The following PCDH15 variants were observed in gnomAD, a reference collection of about 807,000 sequenced individuals.
The protein encoded by PCDH15 is protocadherin related 15.
In PCDH15, 129 loss-of-function variants were observed where a neutral mutation model predicts 178.5. That is an observed-to-expected ratio of 0.72 (90% CI 0.63 to 0.84). PCDH15 has a LOEUF of 0.84. PCDH15 is among the 40% of genes least tolerant of loss of function. PCDH15 has a pLI of 0.00. For missense variants in PCDH15, 2,230 were observed against 2,099.9 expected, an observed-to-expected ratio of 1.06 and a Z score of -1.21; for synonymous variants, 800 against 732.0, an observed-to-expected ratio of 1.09 and a Z score of -1.50.
chr10:53,864,319 CAACTTCCTAAAGCTA>C lies in PCDH15; in HGVS notation c.3717+2308_3717+2322del, dbSNP rs558435759. Among the ~76,000 whole-genome samples, 1,043 of 152,164 alleles carry C rather than the reference CAACTTCCTAAAGCTA, an allele frequency of 6.9e-3. 46 individuals are homozygous for C. The highest frequency in any genetic ancestry group is 0.06 in the Admixed American group (924 of 15,280). ...GCAGGGAACATAAACCAATTAATGC[CAACTTCCTAAAGCTA>C]AACAAACAAACAAACAAAAATACCA... On this transcript the variant is annotated intron_variant, in intron 27 of 37. Coordinates refer to ENST00000644397, the MANE Select transcript of PCDH15 (RefSeq NM_001384140.1).
chr10:53,835,139 G>T (rs1399396507), intron 29 of PCDH15, among the ~76,000 whole-genome samples: 2 of 152,026 alleles, frequency 1.3e-5, no homozygotes, highest in Non-Finnish European at 2.9e-5. Context: ...TCAGTATTTT[G>T]AATTTATATG....
intron 26 of PCDH15, among the ~76,000 whole-genome samples, chr10:53,879,754 A>T (rs1215487845): frequency 6.6e-6 from 1 of 152,176 alleles, no homozygotes; most frequent in African/African-American, 2.4e-5. Context: ...ACAGGCGCGC[A>T]CCACCACGCC....
chr10:55,333,335 CAAAGTAAGGGG>C (rs1844263942), intron 2 of PCDH15, among the ~76,000 whole-genome samples: 1 of 151,938 alleles, frequency 6.6e-6, no homozygotes, highest in South Asian at 2.1e-4. Context: ...TGGCAAAACT[CAAAGTAAGGGG>C]AACTGTACAG....
upstream of PCDH15, among the ~76,000 whole-genome samples, chr10:54,806,121 C>A (rs544482560): frequency 2.0e-4 from 31 of 152,220 alleles, 1 homozygote; most frequent in African/African-American, 7.2e-4. Flanking sequence ...CTATCTTATA[C>A]TTTCCTTAGG....
rs567593028 is a variant in PCDH15 at position 54,441,042 on chromosome 10, C to T, written c.158-62100G>A. ...ATTCACAAAAAGTGTTTGAGTCTTCCTGAAAACATTTTAAAATATCAATTA... is the reference window on the plus strand; with the variant it reads ...ATTCACAAAAAGTGTTTGAGTCTTCTTGAAAACATTTTAAAATATCAATTA... On this transcript the variant is annotated intron_variant, in intron 3 of 37. Coordinates refer to ENST00000644397, the MANE Select transcript of PCDH15 (RefSeq NM_001384140.1). Among the ~76,000 whole-genome samples, 5 of 151,896 alleles carry T rather than the reference C, an allele frequency of 3.3e-5. No individual in the cohort carries two copies. In the East Asian group the frequency reaches 9.7e-4, roughly 29 times the overall value.
intron 2 of PCDH15, among the ~76,000 whole-genome samples, chr10:55,150,219 T>C (rs1564840328): frequency 6.6e-6 from 1 of 152,014 alleles, no homozygotes; most frequent in Admixed American, 6.6e-5. Flanking sequence ...CCAATTCAAT[T>C]TGACAGCTGC....
At chr10:54,320,078 C>T (rs1027257047) in intron 7 of PCDH15, among the ~76,000 whole-genome samples, 6 of 151,896 alleles carry the variant, frequency 4.0e-5, no homozygotes, top group African/African-American at 1.5e-4. Flanking sequence ...CACTCAGATC[C>T]CTAGAGGCAC....
At chr10:55,452,765 C>T (rs1839464021) in intron 2 of PCDH15, among the ~76,000 whole-genome samples, 1 of 151,966 alleles carries the variant, frequency 6.6e-6, no homozygotes, top group African/African-American at 2.4e-5. Context: ...TTAATAGGCA[C>T]AAAAAAACTA....
chr10:54,747,611 T>C (rs1210709918), intron 1 of PCDH15, among the ~76,000 whole-genome samples: 1 of 152,014 alleles, frequency 6.6e-6, no homozygotes, highest in Non-Finnish European at 1.5e-5. Context: ...TTCAAACAAC[T>C]CAAGATCCAA....
intron 2 of PCDH15, among the ~76,000 whole-genome samples, chr10:55,069,491 T>C (rs1423564735): frequency 7.4e-6 from 1 of 135,978 alleles, no homozygotes; most frequent in African/African-American, 2.8e-5. Context: ...TGTGTTCTCA[T>C]TGTTCAATTC....
intron 2 of PCDH15, among the ~76,000 whole-genome samples, chr10:55,011,507 T>C (rs1840047636): frequency 6.6e-6 from 1 of 152,132 alleles, no homozygotes; most frequent in Non-Finnish European, 1.5e-5. Context: ...TCTCAATCCC[T>C]GATACACAGA....
chr10:54,044,073 T>C (rs7898296), intron 18 of PCDH15, among the ~76,000 whole-genome samples: 31,981 of 152,050 alleles, frequency 0.21, 3,558 homozygotes, highest in Non-Finnish European at 0.23. Context: ...ATATGCCTTA[T>C]AGTATTGGCA....
chr10:54,788,035 G>C (rs1951054534), intron 1 of PCDH15, among the ~76,000 whole-genome samples: 1 of 151,764 alleles, frequency 6.6e-6, no homozygotes, highest in Admixed American at 6.6e-5. Context: ...GAGAGGCACA[G>C]GAAGGGGAGA....
chr10:54,768,855 G>A (rs1948789829), intron 1 of PCDH15, among the ~76,000 whole-genome samples: 1 of 151,874 alleles, frequency 6.6e-6, no homozygotes, highest in African/African-American at 2.4e-5. Context: ...GCACAGTCCT[G>A]AGCTGTCTTT....
intron 2 of PCDH15, among the ~76,000 whole-genome samples, chr10:54,616,777 T>C (rs1205338228): frequency 6.6e-6 from 1 of 152,046 alleles, no homozygotes; most frequent in Admixed American, 6.6e-5. Context: ...TAGGTGACAT[T>C]AATGTGTCTT....
At chr10:54,141,766 A>G (rs1206404455) in intron 14 of PCDH15, among the ~76,000 whole-genome samples, 1 of 152,168 alleles carries the variant, frequency 6.6e-6, no homozygotes, top group Admixed American at 6.5e-5. Context: ...GGTACTTGAA[A>G]ACAAAATATG....
intron 23 of PCDH15, among the ~76,000 whole-genome samples, chr10:53,952,151 T>C (rs1380899045): frequency 6.6e-6 from 1 of 152,172 alleles, no homozygotes; most frequent in Non-Finnish European, 1.5e-5. Flanking sequence ...TCTCTCCTTC[T>C]CATTGCCCAC....
chr10:54,815,347 T>C (rs1952932016), intron 3 of PCDH15, among the ~76,000 whole-genome samples: 1 of 152,124 alleles, frequency 6.6e-6, no homozygotes, highest in Non-Finnish European at 1.5e-5. Flanking sequence ...ACAAAGACCG[T>C]ACATGGCACC....
At chr10:53,888,310 G>GTACGTA (rs1212124719) in intron 26 of PCDH15, among the ~76,000 whole-genome samples, 4,513 of 28,102 alleles carry the variant, frequency 0.16, 608 homozygotes, top group African/African-American at 0.37. Flanking sequence ...ATATATATAT[G>GTACGTA]TATATATGTA....
Sources: gnomAD v4.1 joint callset for allele counts (sites outside exome capture counted in the v4.1 genomes callset) on GRCh38, gnomAD v4.1.1 for gene constraint, MANE v1.5 for transcripts, NCBI Gene and HGNC (gene_info 2026-07-23, HGNC 2026-07-21) for gene names.